The following S100A1 variants were observed in gnomAD, a reference collection of about 807,000 sequenced individuals.
The protein encoded by S100A1 is S100 calcium binding protein A1, also known as protein S100-A1.
S100A1 carries 3 observed loss-of-function variants against 7.6 expected under a neutral mutation model. The observed-to-expected ratio is 0.40, with a 90% CI of 0.18 to 1.02. S100A1 has a LOEUF of 1.02. S100A1 is among the 50% of genes least tolerant of loss of function. The pLI, the probability that S100A1 is intolerant of heterozygous loss-of-function variation, is 0.35. For synonymous variants in S100A1, 49 were observed against 49.0 expected, an observed-to-expected ratio of 1.00 and a Z score of 0.00; for missense variants, 126 against 115.0, an observed-to-expected ratio of 1.10 and a Z score of -0.44.
chr1:153,631,450 G>A (rs951837362), intron 2 of S100A1: 3 of 1,567,590 alleles, frequency 1.9e-6, no homozygotes, highest in Admixed American at 1.9e-5. Context: ...CTAGTGTAGT[G>A]CTTGCTTTAT....
rs1668020161 is a variant in S100A1, at chr1:153,631,737, G to A, written c.181G>A (p.Glu61Lys). 1.2e-6 allele frequency: 2 copies of A among 1,614,210 alleles called. No homozygotes were observed. The highest frequency in any genetic ancestry group is 1.1e-5 in the South Asian group (1 of 91,082). Residue 61 changes from glutamate to lysine, a missense_variant, in exon 3 of 3, where the codon GAG becomes AAG. Coordinates refer to ENST00000292169, the MANE Select transcript of S100A1 (RefSeq NM_006271.2). ...DVDAVDKVMK[E>K]LDENGDGEVD... Reference sequence around the variant, plus strand: ...GGATGCTGTGGACAAGGTGATGAAGGAGCTAGACGAGAATGGAGACGGGGA... The same window carrying A: ...GGATGCTGTGGACAAGGTGATGAAGAAGCTAGACGAGAATGGAGACGGGGA...
At position 153,631,716 on chromosome 1, in the gene S100A1, G is replaced by A; in HGVS notation, c.160G>A (p.Ala54Thr). 6.2e-7 allele frequency: 1 copy of A among 1,614,200 alleles called. No homozygotes were observed. Among genetic ancestry groups the A allele is most frequent in the Non-Finnish European group, 8.5e-7 (1 of 1,180,032 alleles). The change falls in exon 3 of 3, where the codon GCT becomes ACT. Residue 54 changes from alanine (A) to threonine (T), a missense_variant. By Grantham distance (58) the Ala-to-Thr change is moderately conservative. Coordinates refer to ENST00000292169, the MANE Select transcript of S100A1 (RefSeq NM_006271.2). ...ACCACAGGCCCAGAAGGATGTGGAT[G>A]CTGTGGACAAGGTGATGAAGGAGCT... ...GFLDAQKDVD[A>T]VDKVMKELDE...
chr1:153,630,975 C>G, intron 2 of S100A1: 3 of 409,234 alleles, frequency 7.3e-6, no homozygotes, highest in Admixed American at 8.1e-5. Flanking sequence ...AGAGCCTTAA[C>G]AGATGTACCA....
At position 153,631,926 on chromosome 1, in the gene S100A1, C is replaced by A; in HGVS notation, c.*85C>A. 1 of 1,536,928 alleles carries A rather than the reference C, an allele frequency of 6.5e-7. No individual in the cohort carries two copies. The highest frequency in any genetic ancestry group is 8.8e-7 in the Non-Finnish European group (1 of 1,136,716). On this transcript the variant is annotated 3_prime_UTR_variant, in exon 3 of 3. Transcript: ENST00000292169. ...CCTGCTTCCACCTCACCCCACTTAT[C>A]CCTCTCCATAACCCCACCCTTGCCC... is the stretch of plus-strand genomic sequence containing the variant.
At chr1:153,628,805 G>A (rs1667832646) in intron 1 of S100A1, 5 of 391,592 alleles carry the variant, frequency 1.3e-5, no homozygotes, top group Non-Finnish European at 2.3e-5. Flanking sequence ...CCCTGCCAAG[G>A]CCCCCTCTGT....
At chr1:153,631,315 G>A (rs918809203) in intron 2 of S100A1, 3 of 764,656 alleles carry the variant, frequency 3.9e-6, no homozygotes, top group African/African-American at 3.5e-5. Context: ...CTTTCTAGCT[G>A]TGGGACTTTG....
At chr1:153,631,067 T>C (rs547904235) in intron 2 of S100A1, 137 of 294,006 alleles carry the variant, frequency 4.7e-4, no homozygotes, top group African/African-American at 2.6e-3. Flanking sequence ...TGGATTTCCA[T>C]TGGAAGATTA....
At chr1:153,631,114 G>C (rs1364462612) in intron 2 of S100A1, 1 of 304,714 alleles carries the variant, frequency 3.3e-6, no homozygotes, top group Non-Finnish European at 6.1e-6. Flanking sequence ...GGAGGTAACT[G>C]AATGAACAAA....
chr1:153,631,029 C>T (rs150888255), intron 2 of S100A1: 272 of 310,742 alleles, frequency 8.8e-4, no homozygotes, highest in African/African-American at 5.4e-3. Flanking sequence ...AGTCAGATGG[C>T]TTTCCTGAAG....
In S100A1 at chr1:153,630,539, G is replaced by A; in HGVS notation, c.18G>A (p.Glu6=). 1 of 1,614,250 alleles carries A rather than the reference G, an allele frequency of 6.2e-7. No individual in the cohort carries two copies. Among genetic ancestry groups the A allele is most frequent in the Non-Finnish European group, 8.5e-7 (1 of 1,180,034 alleles). MGSEL[E]TAMETLINVF... is the part of the protein sequence containing the mutation. ...CTGCTGCAATGGGCTCTGAGCTGGA[G>A]ACGGCGATGGAGACCCTCATCAACG... Residue 6 remains glutamate (E), a synonymous_variant, in exon 2 of 3, where the codon GAG becomes GAA. Transcript: ENST00000292169.
intron 1 of S100A1, chr1:153,630,291 G>A: frequency 1.8e-6 from 1 of 566,648 alleles, no homozygotes; most frequent in Non-Finnish European, 3.0e-6. Flanking sequence ...CCCTCTGGCT[G>A]GGGTACAGAC....
chr1:153,631,523 T>C, intron 2 of S100A1, 175 bp from the exon 3 acceptor site: 1 of 1,613,640 alleles, frequency 6.2e-7, no homozygotes, highest in Non-Finnish European at 8.5e-7. Flanking sequence ...TGAAAGAGCT[T>C]ATGCTGTAGG....
chr1:153,630,665 G>T lies in S100A1; in HGVS notation c.141+3G>T. ...CGGAGCTCTCTGGCTTCCTGGATGT[G>T]AGCATAGAGTGGTGGAGTGGGAGTG... On this transcript the variant is annotated splice_donor_region_variant and intron_variant, in intron 2 of 2. Transcript: ENST00000292169. 1 of 1,614,096 alleles carries T rather than the reference G, an allele frequency of 6.2e-7. No individual in the cohort carries two copies. Among genetic ancestry groups the T allele is most frequent in the South Asian group, 1.1e-5 (1 of 91,058 alleles).
chr1:153,628,628 T>C, intron 1 of S100A1, 132 bp downstream of exon 1: 2 of 1,414,122 alleles, frequency 1.4e-6, no homozygotes, highest in Non-Finnish European at 1.9e-6. Flanking sequence ...TCAGTCAGGG[T>C]GAGGGCAGTT....
chr1:153,631,537 C>T (rs1192264395), intron 2 of S100A1, 161 bp from the exon 3 acceptor site: 2 of 1,613,878 alleles, frequency 1.2e-6, no homozygotes, highest in Non-Finnish European at 1.7e-6. Context: ...CTGTAGGCAA[C>T]AGAAGCCCTC....
In S100A1 at chr1:153,629,827, G is replaced by C. The variant is rs1249755356; in HGVS notation, c.-13-682G>C. 6 of 152,462 alleles carry C rather than the reference G, an allele frequency of 3.9e-5. No homozygotes were observed. The East Asian group carries it at 1.2e-3, about 29-fold the overall frequency. 9.4% of individuals were successfully genotyped at this position (152,462 alleles called of 1,614,324 possible). ...ACCAGATGGAAGGGATAATTTTGCAGAGGCAATGGGAGCATATCCCAAAGA... is the reference window on the plus strand; with the variant it reads ...ACCAGATGGAAGGGATAATTTTGCACAGGCAATGGGAGCATATCCCAAAGA... On this transcript the variant is annotated intron_variant, in intron 1 of 2. Transcript: ENST00000292169.
intron 2 of S100A1, chr1:153,631,440 C>CTAG: frequency 6.4e-7 from 1 of 1,553,652 alleles, no homozygotes; most frequent in South Asian, 1.2e-5. Context: ...TGTAAAGCTC[C>CTAG]TAGTGTAGTG....
intron 1 of S100A1, 37 bp downstream of exon 1, chr1:153,628,533 G>C: frequency 6.5e-7 from 1 of 1,549,240 alleles, no homozygotes; most frequent in East Asian, 2.4e-5. Context: ...TCCCTGGCCT[G>C]CCAGCTTCAG....
In S100A1 at chr1:153,630,628, A is replaced by T; in HGVS notation, c.107A>T (p.Glu36Val). The stretch of plus-strand genomic sequence containing the variant: ...AAGCTGAGCAAGAAGGAGCTGAAAG[A>T]GCTGCTGCAGACGGAGCTCTCTGGC... ...KYKLSKKELK[E>V]LLQTELSGFL... The change falls in exon 2 of 3, where the codon GAG (glutamate) becomes GTG (valine). Residue 36 changes from glutamate (E) to valine (V), a missense_variant. Transcript: ENST00000292169. 6.2e-7 allele frequency: 1 copy of T among 1,614,240 alleles called. No homozygotes were observed. The highest frequency in any genetic ancestry group is 1.1e-5 in the South Asian group (1 of 91,090).
Sources: gnomAD v4.1 joint callset for allele counts on GRCh38, gnomAD v4.1.1 for gene constraint, MANE v1.5 for transcripts, NCBI Gene and HGNC (gene_info 2026-07-23, HGNC 2026-07-21) for gene names.